The following KCNIP4 variants were observed in gnomAD, a reference collection of about 807,000 sequenced individuals.
The protein encoded by KCNIP4 is potassium voltage-gated channel interacting protein 4.
KCNIP4 carries 12 observed loss-of-function variants against 34.0 expected under a neutral mutation model. The observed-to-expected ratio is 0.35, with a 90% CI of 0.23 to 0.57. The LOEUF (loss-of-function observed/expected upper bound fraction) is 0.57, where lower values mean the gene tolerates loss of function less well. Ranked by LOEUF, KCNIP4 falls within the 20% of genes least tolerant of loss-of-function variation. KCNIP4 has a pLI of 0.83. For synonymous variants in KCNIP4, 124 were observed against 102.2 expected, an observed-to-expected ratio of 1.21 and a Z score of -1.29; for missense variants, 238 against 311.7, an observed-to-expected ratio of 0.76 and a Z score of 1.78.
At chr4:20,763,891 C>A (rs1006817007) in intron 3 of KCNIP4, among the ~76,000 whole-genome samples, 1 of 152,096 alleles carries the variant, frequency 6.6e-6, no homozygotes, top group Non-Finnish European at 1.5e-5. Context: ...AGTCATTTAG[C>A]AGTATAAATT....
chr4:21,652,188 T>C (rs1009242710), intron 1 of KCNIP4, among the ~76,000 whole-genome samples: 3 of 152,216 alleles, frequency 2.0e-5, no homozygotes, highest in African/African-American at 7.2e-5. Context: ...TTATGCTGGC[T>C]TGACTATCAC....
At chr4:21,326,559 G>C (rs925141276) in intron 1 of KCNIP4, among the ~76,000 whole-genome samples, 2 of 149,114 alleles carry the variant, frequency 1.3e-5, no homozygotes, top group Admixed American at 1.3e-4. Flanking sequence ...ATTGGGTCTT[G>C]TTTTTTTGTT....
At chr4:21,202,423 T>C (rs1756561477) in intron 1 of KCNIP4, among the ~76,000 whole-genome samples, 1 of 152,158 alleles carries the variant, frequency 6.6e-6, no homozygotes, top group Non-Finnish European at 1.5e-5. Context: ...CACTGAGGAA[T>C]ACAAGAGGAG....
intron 1 of KCNIP4, among the ~76,000 whole-genome samples, chr4:21,236,677 C>A (rs888073130): frequency 6.6e-5 from 10 of 151,930 alleles, no homozygotes; most frequent in African/African-American, 2.2e-4. Flanking sequence ...AGTTAGTGAA[C>A]AGATATTTAA....
At chr4:21,245,027 A>C (rs191399287) in intron 1 of KCNIP4, among the ~76,000 whole-genome samples, 35 of 152,324 alleles carry the variant, frequency 2.3e-4, no homozygotes, top group African/African-American at 6.7e-4. Context: ...ATGCCTTTCT[A>C]TCGTATACGA....
chr4:21,553,297 G>A (rs749699866), intron 1 of KCNIP4, among the ~76,000 whole-genome samples: 8 of 152,064 alleles, frequency 5.3e-5, no homozygotes, highest in Non-Finnish European at 7.4e-5. Flanking sequence ...GTTAATCTCC[G>A]TTCCGTAAAT....
At chr4:21,584,053 A>C (rs2109078536) in intron 1 of KCNIP4, among the ~76,000 whole-genome samples, 1 of 152,164 alleles carries the variant, frequency 6.6e-6, no homozygotes, top group African/African-American at 2.4e-5. Flanking sequence ...TATTACAAGT[A>C]AACAAGGATT....
At chr4:21,354,963 G>A (rs1718418791) in intron 1 of KCNIP4, among the ~76,000 whole-genome samples, 1 of 152,156 alleles carries the variant, frequency 6.6e-6, no homozygotes, top group African/African-American at 2.4e-5. Context: ...AGATTACAGT[G>A]CAATCAAATG....
intron 5 of KCNIP4, among the ~76,000 whole-genome samples, chr4:20,744,346 C>G (rs915486251): frequency 1.3e-5 from 2 of 152,192 alleles, no homozygotes; most frequent in African/African-American, 4.8e-5. Flanking sequence ...GTAGCAAAGA[C>G]TTGGTACCAA....
At chr4:21,028,101 G>A (rs1213268157) in intron 1 of KCNIP4, among the ~76,000 whole-genome samples, 2 of 151,962 alleles carry the variant, frequency 1.3e-5, no homozygotes, top group African/African-American at 4.8e-5. Flanking sequence ...AATACCACTG[G>A]GACCCTCCAT....
chr4:20,947,453 G>T (rs2117497), intron 1 of KCNIP4, among the ~76,000 whole-genome samples: 30,671 of 152,106 alleles, frequency 0.2, 3,713 homozygotes, highest in East Asian at 0.49. Flanking sequence ...ACAGGCATGA[G>T]CCACCACACC....
At chr4:21,193,122 A>G (rs1755800022) in intron 1 of KCNIP4, among the ~76,000 whole-genome samples, 2 of 151,890 alleles carry the variant, frequency 1.3e-5, no homozygotes, top group South Asian at 4.2e-4. Flanking sequence ...GCTAAAAAAA[A>G]AAAAAAGTCT....
chr4:21,146,249 T>C (rs1280576983), intron 1 of KCNIP4, among the ~76,000 whole-genome samples: 1 of 151,920 alleles, frequency 6.6e-6, no homozygotes, highest in Admixed American at 6.6e-5. Context: ...ATACAAAAAA[T>C]TAGCCAGGCG....
chr4:21,735,607 ATTTGTT>A (rs879277282), intron 1 of KCNIP4, among the ~76,000 whole-genome samples: 426 of 152,226 alleles, frequency 2.8e-3, no homozygotes, highest in South Asian at 0.012. Flanking sequence ...CAAAATAAAG[ATTTGTT>A]TTTGTTTTTG....
At chr4:21,507,324 G>A (rs1733931971) in intron 1 of KCNIP4, among the ~76,000 whole-genome samples, 1 of 151,208 alleles carries the variant, frequency 6.6e-6, no homozygotes, top group Admixed American at 6.6e-5. Context: ...GAGTGTAGTG[G>A]CTCGATCTTG....
At chr4:21,090,340 C>T (rs1481337201) in intron 1 of KCNIP4, among the ~76,000 whole-genome samples, 1 of 152,146 alleles carries the variant, frequency 6.6e-6, no homozygotes, top group Non-Finnish European at 1.5e-5. Flanking sequence ...GGAAGTGGAA[C>T]AGTTACACTT....
intron 1 of KCNIP4, among the ~76,000 whole-genome samples, chr4:21,341,189 A>G (rs964155822): frequency 1.3e-5 from 2 of 152,122 alleles, no homozygotes; most frequent in Non-Finnish European, 2.9e-5. Flanking sequence ...ATTTTTCCCT[A>G]GAGCTTTCAG....
At chr4:21,560,256 G>A (rs1739406957) in intron 1 of KCNIP4, among the ~76,000 whole-genome samples, 1 of 151,982 alleles carries the variant, frequency 6.6e-6, no homozygotes, top group African/African-American at 2.4e-5. Context: ...CATTCCAATT[G>A]TAAAATGAAC....
chr4:21,916,074 A>G (rs1353222850), intron 1 of KCNIP4, among the ~76,000 whole-genome samples: 1 of 152,236 alleles, frequency 6.6e-6, no homozygotes, highest in Non-Finnish European at 1.5e-5. Context: ...GCCTGCATCC[A>G]TATGTTTGGG....
Sources: allele counts gnomAD v4.1 joint callset (sites outside exome capture counted in the v4.1 genomes callset), GRCh38; gene constraint gnomAD v4.1.1; transcripts MANE v1.5; gene names NCBI Gene and HGNC (gene_info 2026-07-23, HGNC 2026-07-21).